Variants in VAV3 observed in about 807,000 individuals in gnomAD.
VAV3 encodes guanine nucleotide exchange factor VAV3.
VAV3 carries 94 observed loss-of-function variants against 131.2 expected under a neutral mutation model. The ratio of observed to expected loss-of-function variants is 0.72; its 90% CI spans 0.61 to 0.85. The LOEUF is 0.85. Among genes scored for constraint, VAV3 ranks in the 40% least tolerant of loss-of-function variants. The pLI, the probability that VAV3 is intolerant of heterozygous loss-of-function variation, is 0.00. For missense variants in VAV3, 939 were observed against 1,002.7 expected (o/e 0.94, Z 0.86); for synonymous variants, 349 against 342.0 (o/e 1.02, Z -0.22).
chr1:107,923,192 G>A (rs1308432501), intron 1 of VAV3, among the ~76,000 whole-genome samples: 1 of 151,902 alleles, frequency 6.6e-6, no homozygotes, highest in Non-Finnish European at 1.5e-5. Flanking sequence ...GTATATAAAT[G>A]GACTCATATG....
intron 22 of VAV3, among the ~76,000 whole-genome samples, chr1:107,607,642 C>T (rs759506942): frequency 2.0e-5 from 3 of 152,150 alleles, no homozygotes; most frequent in Non-Finnish European, 2.9e-5. Flanking sequence ...AGGCAGGGAC[C>T]CTGACATCTA....
At chr1:107,708,261 T>C (rs1057393998) in intron 15 of VAV3, among the ~76,000 whole-genome samples, 2 of 152,194 alleles carry the variant, frequency 1.3e-5, no homozygotes, top group African/African-American at 4.8e-5. Context: ...AGCGTGGATA[T>C]AGTAGGACCA....
intron 20 of VAV3, among the ~76,000 whole-genome samples, chr1:107,624,762 C>T (rs985984956): frequency 6.6e-6 from 1 of 152,290 alleles, no homozygotes; most frequent in East Asian, 1.9e-4. Flanking sequence ...TACTTTTCTA[C>T]TAAAAGCAAA....
chr1:107,800,642 A>G (rs1666784934), intron 2 of VAV3, among the ~76,000 whole-genome samples: 1 of 152,166 alleles, frequency 6.6e-6, no homozygotes, highest in African/African-American at 2.4e-5. Context: ...CCAGGTAGTG[A>G]GCATAGTACC....
intron 19 of VAV3, among the ~76,000 whole-genome samples, chr1:107,661,452 T>C (rs1657008219): frequency 6.6e-6 from 1 of 152,198 alleles, no homozygotes; most frequent in Non-Finnish European, 1.5e-5. Context: ...CACTGAACAT[T>C]CCTTTGTTCA....
At chr1:107,707,059 A>G (rs1364109526) in intron 15 of VAV3, among the ~76,000 whole-genome samples, 1 of 152,188 alleles carries the variant, frequency 6.6e-6, no homozygotes, top group Admixed American at 6.5e-5. Flanking sequence ...AGCCACTAAG[A>G]TGTTTTACAA....
chr1:107,634,797 G>C (rs111571934), intron 20 of VAV3, among the ~76,000 whole-genome samples: 24,020 of 151,654 alleles, frequency 0.16, 2,021 homozygotes, highest in East Asian at 0.21. Context: ...ACAACCCCAT[G>C]AAAAAGTGGG....
At chr1:107,704,737 C>T in intron 16 of VAV3, 87 bp from the exon 17 acceptor site, 1 of 1,157,762 alleles carries the variant, frequency 8.6e-7, no homozygotes, top group Non-Finnish European at 1.3e-6. Context: ...AAAAAAGTAT[C>T]AACAGTGCTC....
intron 1 of VAV3, among the ~76,000 whole-genome samples, chr1:107,928,112 G>C (rs551093322): frequency 6.6e-6 from 1 of 152,300 alleles, no homozygotes; most frequent in Admixed American, 6.5e-5. Context: ...GAGAACAAAA[G>C]CCTCAGCCTG....
At position 107,772,785 on chromosome 1, in the gene VAV3, C is replaced by T. The variant is rs572741201; in HGVS notation, c.505G>A (p.Gly169Ser). Residue 169 changes from glycine to serine, a missense_variant, in exon 5 of 27, where the codon GGT becomes AGT. Coordinates refer to ENST00000370056, the MANE Select transcript of VAV3 (RefSeq NM_006113.5). Reference sequence around the variant, plus strand: ...ATTAAGTCCTCATAGACTTCTCCACCTTCATCTTCCCCATAAACACAGTCA... The same window carrying T: ...ATTAAGTCCTCATAGACTTCTCCACTTTCATCTTCCCCATAAACACAGTCA... ...LYDCVYGEDEGGEVYEDLMKA... is the reference protein window; with the variant it reads ...LYDCVYGEDESGEVYEDLMKA... 51 of 1,613,758 alleles carry T rather than the reference C, an allele frequency of 3.2e-5. No individual in the cohort carries two copies. Among genetic ancestry groups the T allele is most frequent in the Non-Finnish European group, 4.2e-5 (50 of 1,179,898 alleles).
At chr1:107,898,011 G>T (rs1671683465) in intron 1 of VAV3, among the ~76,000 whole-genome samples, 1 of 151,730 alleles carries the variant, frequency 6.6e-6, no homozygotes, top group South Asian at 2.1e-4. Flanking sequence ...TACCTAACTT[G>T]AAAACTATTA....
intron 20 of VAV3, among the ~76,000 whole-genome samples, chr1:107,631,314 AAT>A (rs1264866733): frequency 6.6e-6 from 1 of 152,062 alleles, no homozygotes; most frequent in Non-Finnish European, 1.5e-5. Flanking sequence ...ATGCAGGCAT[AAT>A]ACATGTTTAG....
intron 1 of VAV3, among the ~76,000 whole-genome samples, chr1:107,904,468 AT>A (rs1308343459): frequency 6.6e-6 from 1 of 152,110 alleles, no homozygotes; most frequent in African/African-American, 2.4e-5. Context: ...TGATGACTGA[AT>A]TTTTTTATTT....
chr1:107,850,696 T>C (rs1368899346), intron 2 of VAV3, among the ~76,000 whole-genome samples: 1 of 151,996 alleles, frequency 6.6e-6, no homozygotes, highest in Non-Finnish European at 1.5e-5. Context: ...ATTCTGCACA[T>C]GTATCCCAGA....
At chr1:107,820,623 T>C (rs1667758934) in intron 2 of VAV3, among the ~76,000 whole-genome samples, 1 of 152,166 alleles carries the variant, frequency 6.6e-6, no homozygotes, top group Non-Finnish European at 1.5e-5. Context: ...AATTGGAATA[T>C]TTATAACACA....
intron 25 of VAV3, among the ~76,000 whole-genome samples, chr1:107,595,160 G>A (rs946061959): frequency 3.3e-5 from 5 of 152,042 alleles, no homozygotes; most frequent in African/African-American, 1.2e-4. Context: ...TTAACATAAA[G>A]TTCGCTCTAC....
At chr1:107,920,333 G>C (rs180982323) in intron 1 of VAV3, among the ~76,000 whole-genome samples, 8 of 152,296 alleles carry the variant, frequency 5.3e-5, no homozygotes, top group Non-Finnish European at 7.4e-5. Flanking sequence ...ACCACACACA[G>C]GGTATAAATA....
intron 19 of VAV3, chr1:107,669,094 G>A (rs554947873): frequency 9.2e-7 from 1 of 1,087,114 alleles, no homozygotes; most frequent in East Asian, 8.9e-5. Flanking sequence ...AGAAAAATGA[G>A]TTATGCCGGT....
chr1:107,797,328 C>A (rs955933639), intron 2 of VAV3, among the ~76,000 whole-genome samples: 8 of 152,136 alleles, frequency 5.3e-5, no homozygotes, highest in Non-Finnish European at 1.0e-4. Flanking sequence ...TTCATTTCAT[C>A]CTTCACTTAA....
Sources: allele counts gnomAD v4.1 joint callset (sites outside exome capture counted in the v4.1 genomes callset), GRCh38; gene constraint gnomAD v4.1.1; transcripts MANE v1.5; gene names NCBI Gene and HGNC (gene_info 2026-07-23, HGNC 2026-07-21).